The following ODAD2 variants were observed in gnomAD, a reference collection of about 807,000 sequenced individuals.
The protein encoded by ODAD2 is outer dynein arm docking complex subunit 2.
In ODAD2, 89 loss-of-function variants were observed where a neutral mutation model predicts 106.8. The ratio of observed to expected loss-of-function variants is 0.83; its 90% CI spans 0.70 to 0.99. The LOEUF is 0.99. Ranked by LOEUF, ODAD2 falls within the 50% of genes least tolerant of loss-of-function variation. The probability of loss-of-function intolerance (pLI) is 0.00; values close to 1 mark genes in which losing one functional copy is unlikely to be tolerated. For missense variants in ODAD2, 1,168 were observed against 1,238.5 expected, an observed-to-expected ratio of 0.94 and a Z score of 0.85; for synonymous variants, 404 against 436.2, an observed-to-expected ratio of 0.93 and a Z score of 0.92.
At chr10:27,860,908 T>TAA in intron 18 of ODAD2, 62 bp from the exon 19 acceptor site, 1 of 1,413,124 alleles carries the variant, frequency 7.1e-7, no homozygotes, top group African/African-American at 1.4e-5. Flanking sequence ...ATCATGTCTA[T>TAA]AAGCACTTTA....
At chr10:27,813,850 T>C (rs112726286) in intron 19 of ODAD2, among the ~76,000 whole-genome samples, 2 of 152,122 alleles carry the variant, frequency 1.3e-5, no homozygotes, top group African/African-American at 2.4e-5. Flanking sequence ...TATTACTTCA[T>C]GTAGAGGTGA....
chr10:27,992,914 TA>T (rs534547288), intron 2 of ODAD2, among the ~76,000 whole-genome samples: 2 of 152,124 alleles, frequency 1.3e-5, no homozygotes, highest in African/African-American at 2.4e-5. Context: ...TGCATTTTTA[TA>T]AAAAAATATT....
intron 19 of ODAD2, among the ~76,000 whole-genome samples, chr10:27,817,298 T>C (rs907340198): frequency 6.6e-6 from 1 of 152,206 alleles, no homozygotes; most frequent in Non-Finnish European, 1.5e-5. Flanking sequence ...GAATTTTTAT[T>C]GATCTCTTTG....
intron 7 of ODAD2, among the ~76,000 whole-genome samples, chr10:27,977,521 C>T (rs1849271197): frequency 6.6e-6 from 1 of 151,678 alleles, no homozygotes; most frequent in Non-Finnish European, 1.5e-5. Context: ...GAGCCAAGAT[C>T]GATCATGCCA....
chr10:27,999,342 C>CAT (rs771774254), upstream of ODAD2, among the ~76,000 whole-genome samples: 1 of 152,060 alleles, frequency 6.6e-6, no homozygotes, highest in Non-Finnish European at 1.5e-5. Context: ...TACATTTTTC[C>CAT]ATAGGCTTCC....
intron 16 of ODAD2, 125 bp from the exon 17 acceptor site, chr10:27,907,902 T>G (rs532085890): frequency 2.3e-5 from 14 of 609,390 alleles, no homozygotes; most frequent in East Asian, 3.0e-5. Flanking sequence ...TTTTTTTTTT[T>G]GCAAAACTTC....
chr10:27,941,012 A>T (rs1846379844), intron 12 of ODAD2, among the ~76,000 whole-genome samples: 1 of 152,196 alleles, frequency 6.6e-6, no homozygotes, highest in Non-Finnish European at 1.5e-5. Flanking sequence ...GGGAGCTTAT[A>T]CATTTCCTTC....
At chr10:27,825,175 C>T (rs1482699671) in intron 19 of ODAD2, among the ~76,000 whole-genome samples, 1 of 152,150 alleles carries the variant, frequency 6.6e-6, no homozygotes, top group Non-Finnish European at 1.5e-5. Flanking sequence ...AATTTGTTGG[C>T]TTTACCTTCA....
chr10:27,981,545 C>G lies in ODAD2; in HGVS notation c.857G>C (p.Arg286Thr). 1 of 1,539,042 alleles carries G rather than the reference C, an allele frequency of 6.5e-7. No homozygotes were observed. Among genetic ancestry groups the G allele is most frequent in the Non-Finnish European group, 8.6e-7 (1 of 1,156,410 alleles). ...TDDEGDVNYE[R>T]KGSIYKNLVT... ...AAGGTTTTTATAAATTGAACCTTTT[C>G]TCTCATAATTAACGTCCCCTTCATC... The change falls in exon 7 of 20, where the codon AGA becomes ACA. Residue 286 changes from arginine to threonine, a missense_variant. This residue lies in a region of ODAD2 where 430 missense variants were observed against 452.2 expected (regional missense o/e 0.95). Transcript: ENST00000305242.
intron 7 of ODAD2, among the ~76,000 whole-genome samples, chr10:27,976,599 A>T (rs1432420500): frequency 6.6e-6 from 1 of 152,150 alleles, no homozygotes; most frequent in African/African-American, 2.4e-5. Flanking sequence ...TTTAACTAAG[A>T]CCTAAATAAA....
intron 17 of ODAD2, among the ~76,000 whole-genome samples, chr10:27,890,204 G>A (rs1419044996): frequency 6.6e-6 from 1 of 152,160 alleles, no homozygotes; most frequent in African/African-American, 2.4e-5. Flanking sequence ...AGTGCAATGG[G>A]AGTGCTTAAG....
chr10:27,950,657 G>T (rs1847269335), intron 10 of ODAD2, among the ~76,000 whole-genome samples: 2 of 151,950 alleles, frequency 1.3e-5, no homozygotes, highest in Admixed American at 1.3e-4. Context: ...TGTGATCTCG[G>T]CTCACTGCAA....
At position 27,812,326 on chromosome 10, in the gene ODAD2, T is replaced by C. The variant is rs1835804227; in HGVS notation, c.*186A>G. Reference sequence around the variant, plus strand: ...CATGTCATATCTCGAAAACATTAAATAGAAACAAAAGTCTCCATGCAATTT... The same window carrying C: ...CATGTCATATCTCGAAAACATTAAACAGAAACAAAAGTCTCCATGCAATTT... On this transcript the variant is annotated 3_prime_UTR_variant, in exon 20 of 20. Transcript: ENST00000305242. The C allele has an allele frequency of 5.2e-6, 3 of 575,262 alleles. No homozygotes were observed. The South Asian group carries it at 7.5e-5, about 14-fold the overall frequency. The allele number at this position is 575,262 out of a possible 1,614,324, so 35.6% of individuals were successfully genotyped here.
In ODAD2 at chr10:27,995,071, G is replaced by A. The variant is rs749019198; in HGVS notation, c.72C>T (p.Thr24=). The A allele has an allele frequency of 1.9e-6, 3 of 1,614,060 alleles. No homozygotes were observed. The highest frequency in any genetic ancestry group is 1.7e-6 in the Non-Finnish European group (2 of 1,180,034). ...AGHGTGILEI[T]PLNEAILKEI... is the part of the protein sequence containing the mutation. ...CTTTCAATATCGCTTCATTTAGAGG[G>A]GTGATTTCGAGGATTCCAGTTCCAT... is the stretch of plus-strand genomic sequence containing the variant. The change falls in exon 2 of 20, where the codon ACC becomes ACT. Residue 24 remains threonine, a synonymous_variant. Coordinates refer to ENST00000305242, the MANE Select transcript of ODAD2 (RefSeq NM_018076.5).
At chr10:27,980,210 C>A (rs1382885109) in intron 7 of ODAD2, among the ~76,000 whole-genome samples, 2 of 152,088 alleles carry the variant, frequency 1.3e-5, no homozygotes, top group Non-Finnish European at 2.9e-5. Flanking sequence ...TAAAACTATA[C>A]AATCCTTAGA....
chr10:27,888,049 G>T (rs761135975), intron 17 of ODAD2, among the ~76,000 whole-genome samples: 13 of 151,924 alleles, frequency 8.6e-5, no homozygotes, highest in Non-Finnish European at 1.9e-4. Context: ...ATAATAAAAA[G>T]CCTCCCAACG....
At chr10:27,987,283 CT>C in intron 3 of ODAD2, 102 bp downstream of exon 3, 1 of 1,044,148 alleles carries the variant, frequency 9.6e-7, no homozygotes, top group Non-Finnish European at 1.4e-6. Context: ...ATTGTAGAAT[CT>C]TTTTCAAGAG....
intron 17 of ODAD2, among the ~76,000 whole-genome samples, chr10:27,864,623 G>T (rs557628300): frequency 1.1e-4 from 17 of 150,790 alleles, no homozygotes; most frequent in Non-Finnish European, 2.2e-4. Context: ...AGTGGGGAGT[G>T]AGGGGAGAGT....
intron 16 of ODAD2, among the ~76,000 whole-genome samples, chr10:27,920,246 T>A (rs1236026659): frequency 6.6e-6 from 1 of 152,186 alleles, no homozygotes; most frequent in Non-Finnish European, 1.5e-5. Flanking sequence ...TTTACTAATG[T>A]GTTAATTTTC....
Sources: gnomAD v4.1 joint callset for allele counts (sites outside exome capture counted in the v4.1 genomes callset) on GRCh38, gnomAD v4.1.1 for gene constraint, gnomAD v4.1.1 regional missense constraint, MANE v1.5 for transcripts, NCBI Gene and HGNC (gene_info 2026-07-23, HGNC 2026-07-21) for gene names.